Variants in TAS1R1 observed in about 807,000 individuals in gnomAD.
The protein encoded by TAS1R1 is taste 1 receptor member 1.
In TAS1R1, 31 loss-of-function variants were observed where a neutral mutation model predicts 45.8. The ratio of observed to expected loss-of-function variants is 0.68; its 90% CI spans 0.51 to 0.91. TAS1R1 has a LOEUF of 0.91. TAS1R1 is among the 40% of genes least tolerant of loss of function. The pLI, the probability that TAS1R1 is intolerant of heterozygous loss-of-function variation, is 0.00. For missense variants in TAS1R1, 1,051 were observed against 1,063.9 expected, an observed-to-expected ratio of 0.99 and a Z score of 0.17; for synonymous variants, 437 against 448.4, an observed-to-expected ratio of 0.97 and a Z score of 0.32.
chr1:6,578,038 G>T (rs542974113), intron 5 of TAS1R1, among the ~76,000 whole-genome samples: 9 of 152,244 alleles, frequency 5.9e-5, no homozygotes, highest in African/African-American at 1.9e-4. Flanking sequence ...CTAGCTCCTT[G>T]AACAGCTTGG....
chr1:6,567,980 TGGTA>T (rs1219354046), intron 1 of TAS1R1, among the ~76,000 whole-genome samples: 4 of 152,108 alleles, frequency 2.6e-5, no homozygotes, highest in African/African-American at 9.7e-5. Context: ...AGCTAGAAGT[TGGTA>T]TTTAGCGCGA....
intron 1 of TAS1R1, among the ~76,000 whole-genome samples, chr1:6,557,058 A>C (rs901170107): frequency 2.5e-4 from 38 of 150,930 alleles, no homozygotes; most frequent in Non-Finnish European, 4.7e-4. Context: ...CAGACTGTGG[A>C]AGTCACAGAC....
At position 6,576,500 on chromosome 1, in the gene TAS1R1, A is replaced by G. The variant is rs1317924038; in HGVS notation, c.1346A>G (p.Tyr449Cys). The change falls in exon 4 of 6, where the codon TAT becomes TGT. Residue 449 changes from tyrosine (Y) to cysteine (C), a missense_variant. Coordinates refer to ENST00000333172, the MANE Select transcript of TAS1R1 (RefSeq NM_138697.4). The part of the protein sequence containing the change: ...FNDNRDPLSS[Y>C]NIIAWDWNGP... ...GACAACAGAGATCCCCTCAGTAGCT[A>G]TAACATAATTGCCTGGGACTGGAAT... 2.5e-6 allele frequency: 4 copies of G among 1,614,254 alleles called. No individual in the cohort carries two copies. The highest frequency in any genetic ancestry group is 2.2e-5 in the South Asian group (2 of 91,086).
intron 5 of TAS1R1, among the ~76,000 whole-genome samples, chr1:6,577,551 G>A (rs1272591072): frequency 2.0e-5 from 3 of 150,202 alleles, no homozygotes; most frequent in African/African-American, 4.9e-5. Flanking sequence ...GAGGCCGGGC[G>A]CGGTGGCTCA....
In TAS1R1 at chr1:6,560,568, A is replaced by AG. The variant is rs528526205; in HGVS notation, c.191+5008dup. ...AAAAAAGAGGGGACAGAGAAAAACAAGGGGTGGGGAAAACATCCGCCTTGG... is the reference window on the plus strand; with the variant it reads ...AAAAAAGAGGGGACAGAGAAAAACAAGGGGGTGGGGAAAACATCCGCCTTGG... On this transcript the variant is annotated intron_variant, in intron 1 of 5. Transcript: ENST00000333172. 1.7e-3 allele frequency among the ~76,000 whole-genome samples: 265 copies of AG among 152,322 alleles called. 5 individuals carry two copies. In the East Asian group the frequency reaches 0.035, roughly 20 times the overall value.
chr1:6,570,071 C>T (rs999440328), intron 1 of TAS1R1, among the ~76,000 whole-genome samples: 11 of 149,992 alleles, frequency 7.3e-5, no homozygotes, highest in South Asian at 2.1e-4. Flanking sequence ...TGGGGATGCC[C>T]GGCCAGAGCC....
intron 1 of TAS1R1, among the ~76,000 whole-genome samples, chr1:6,556,546 A>G (rs1397666558): frequency 6.6e-6 from 1 of 151,884 alleles, no homozygotes; most frequent in African/African-American, 2.4e-5. Flanking sequence ...AATTATAGGC[A>G]TGTGTCACCA....
chr1:6,555,608 C>T (rs1163951128), intron 1 of TAS1R1, 44 bp downstream of exon 1: 6 of 1,511,374 alleles, frequency 4.0e-6, no homozygotes, highest in Non-Finnish European at 5.4e-6. Flanking sequence ...GGACCCCTGG[C>T]TATAGGGCCC....
chr1:6,576,489 C>T lies in TAS1R1; in HGVS notation c.1335C>T (p.Pro445=). 1 of 1,614,220 alleles carries T rather than the reference C, an allele frequency of 6.2e-7. No homozygotes were observed. The highest frequency in any genetic ancestry group is 1.3e-5 in the African/African-American group (1 of 75,040). The change falls in exon 4 of 6, where the codon CCC becomes CCT. Residue 445 remains proline, a synonymous_variant. Coordinates refer to ENST00000333172, the MANE Select transcript of TAS1R1 (RefSeq NM_138697.4). ...TGGCGTTTAATGACAACAGAGATCC[C>T]CTCAGTAGCTATAACATAATTGCCT... The part of the protein sequence containing the change: ...DTVAFNDNRD[P]LSSYNIIAWD...
chr1:6,568,213 G>C (rs565502792), intron 1 of TAS1R1, among the ~76,000 whole-genome samples: 3 of 152,016 alleles, frequency 2.0e-5, no homozygotes, highest in Non-Finnish European at 4.4e-5. Flanking sequence ...ACTTTGGGAG[G>C]CTGAGGTGGG....
chr1:6,569,474 T>G (rs1220516955), intron 1 of TAS1R1, among the ~76,000 whole-genome samples: 1 of 152,156 alleles, frequency 6.6e-6, no homozygotes, highest in Non-Finnish European at 1.5e-5. Context: ...CTAACCTGTA[T>G]TGAGGCCAGA....
chr1:6,575,025 T>C lies in TAS1R1; in HGVS notation c.893T>C (p.Val298Ala). The change falls in exon 3 of 6, where the codon GTC becomes GCC. Residue 298 changes from valine to alanine, a missense_variant. Coordinates refer to ENST00000333172, the MANE Select transcript of TAS1R1 (RefSeq NM_138697.4). ...ACCAACCTGACTGGCAAGGTGTGGGTCGCCTCAGAAGCCTGGGCCCTCTCC... is the reference window on the plus strand; with the variant it reads ...ACCAACCTGACTGGCAAGGTGTGGGCCGCCTCAGAAGCCTGGGCCCTCTCC... ...VLTNLTGKVW[V>A]ASEAWALSRH... is the part of the protein sequence containing the mutation. 6.3e-7 allele frequency: 1 copy of C among 1,586,656 alleles called. No homozygotes were observed. The highest frequency in any genetic ancestry group is 8.6e-7 in the Non-Finnish European group (1 of 1,164,766).
At chr1:6,562,614 G>A (rs576794530) in intron 1 of TAS1R1, among the ~76,000 whole-genome samples, 4 of 152,292 alleles carry the variant, frequency 2.6e-5, no homozygotes, top group African/African-American at 9.6e-5. Flanking sequence ...TTCCTGTTGC[G>A]GTGGTAATTC....
intron 2 of TAS1R1, among the ~76,000 whole-genome samples, chr1:6,573,152 T>C (rs1252127146): frequency 2.0e-5 from 3 of 152,150 alleles, no homozygotes; most frequent in Non-Finnish European, 2.9e-5. Context: ...AGAGATACGC[T>C]CATGAAATGC....
At chr1:6,555,963 C>T (rs1005105604) in intron 1 of TAS1R1, among the ~76,000 whole-genome samples, 10 of 151,404 alleles carry the variant, frequency 6.6e-5, no homozygotes, top group Middle Eastern at 3.4e-3. Flanking sequence ...GCTCCGCCTT[C>T]CGGGTTCACG....
At chr1:6,561,484 G>A (rs10864626) in intron 1 of TAS1R1, among the ~76,000 whole-genome samples, 23,122 of 152,128 alleles carry the variant, frequency 0.15, 2,131 homozygotes, top group African/African-American at 0.26. Context: ...GGCAGAGGCG[G>A]GCTGATCATG....
Position 6,570,927 on chromosome 1 carries a change from G to A in TAS1R1, c.210G>A (p.Glu70=). The A allele has an allele frequency of 2.5e-6, 4 of 1,605,070 alleles. No individual in the cohort carries two copies. The highest frequency in any genetic ancestry group is 2.6e-6 in the Non-Finnish European group (3 of 1,175,440). The change falls in exon 2 of 6, where the codon GAG becomes GAA. Residue 70 remains glutamate, a synonymous_variant. Coordinates refer to ENST00000333172, the MANE Select transcript of TAS1R1 (RefSeq NM_138697.4). ...TLCDRSCSFN[E]HGYHLFQAMR... ...TCCACAGGTCTTGTAGCTTCAATGAGCATGGCTACCACCTCTTCCAGGCTA... is the reference window on the plus strand; with the variant it reads ...TCCACAGGTCTTGTAGCTTCAATGAACATGGCTACCACCTCTTCCAGGCTA...
intron 2 of TAS1R1, among the ~76,000 whole-genome samples, chr1:6,571,552 G>A (rs1305621918): frequency 6.6e-6 from 1 of 152,236 alleles, no homozygotes; most frequent in Non-Finnish European, 1.5e-5. Context: ...CATCCTGGAC[G>A]GGCGCTGTGG....
chr1:6,577,111 G>A (rs12040340), intron 5 of TAS1R1, 41 bp downstream of exon 5: 188,586 of 1,611,770 alleles, frequency 0.12, 11,498 homozygotes, highest in South Asian at 0.17. Context: ...CAGCACTCCC[G>A]GGGGCTGCAC....
Sources: gnomAD v4.1 joint callset for allele counts (sites outside exome capture counted in the v4.1 genomes callset) on GRCh38, gnomAD v4.1.1 for gene constraint, MANE v1.5 for transcripts, NCBI Gene and HGNC (gene_info 2026-07-23, HGNC 2026-07-21) for gene names.